Variants in ITGA11 observed in about 807,000 individuals in gnomAD.
ITGA11 encodes integrin alpha-11.
ITGA11 carries 97 observed loss-of-function variants against 141.9 expected under a neutral mutation model. The ratio of observed to expected loss-of-function variants is 0.68; its 90% CI spans 0.58 to 0.81. ITGA11 has a LOEUF of 0.81. ITGA11 is among the 30% of genes least tolerant of loss of function. ITGA11 has a pLI of 0.00. For missense variants in ITGA11, 1,387 were observed against 1,559.2 expected, an observed-to-expected ratio of 0.89 and a Z score of 1.86; for synonymous variants, 658 against 624.6, an observed-to-expected ratio of 1.05 and a Z score of -0.80.
chr15:68,332,203 C>A, intron 13 of ITGA11, 135 bp downstream of exon 13: 1 of 1,267,838 alleles, frequency 7.9e-7, no homozygotes, highest in South Asian at 1.4e-5. Flanking sequence ...AACCCAGCCA[C>A]AGAGGAGGCT....
chr15:68,317,180 C>T, intron 21 of ITGA11, 85 bp downstream of exon 21: 1 of 925,252 alleles, frequency 1.1e-6, no homozygotes, highest in Admixed American at 1.7e-5. Context: ...TGTGTTCACT[C>T]TTGTTGCTCT....
At chr15:68,414,486 C>T (rs534095067) in intron 1 of ITGA11, among the ~76,000 whole-genome samples, 1 of 152,330 alleles carries the variant, frequency 6.6e-6, no homozygotes, top group Admixed American at 6.5e-5. Context: ...GACCTGGTTT[C>T]TCGACTGGCT....
At chr15:68,397,668 A>AATATTTAAAATATTATATTTAAAATATT (rs74202777) in intron 2 of ITGA11, among the ~76,000 whole-genome samples, 16 of 87,832 alleles carry the variant, frequency 1.8e-4, no homozygotes, top group Non-Finnish European at 2.3e-4. Flanking sequence ...TATATTATAA[A>AATATTTAAAATATTATATTTAAAATATT]ATATTTAAAA....
At chr15:68,382,900 A>G (rs539522703) in intron 2 of ITGA11, among the ~76,000 whole-genome samples, 7 of 152,326 alleles carry the variant, frequency 4.6e-5, no homozygotes, top group African/African-American at 1.7e-4. Flanking sequence ...GCATCTTGCT[A>G]TTGGTTATGT....
At position 68,328,097 on chromosome 15, in the gene ITGA11, A is replaced by G. The variant is rs201829488; in HGVS notation, c.2067T>C (p.Val689=). The change falls in exon 16 of 30, where the codon GTT becomes GTC. Residue 689 remains valine (V), a splice_region_variant and synonymous_variant. Coordinates refer to ENST00000315757, the MANE Select transcript of ITGA11 (RefSeq NM_001004439.2). This position sits in a 1 kb window ranked among gnomAD's most constrained non-coding sequence, Gnocchi z 4.8. ...GGAGAAAGGAGGGGCCTGCTTTACCAACAGTTGTTGTTTGGAAATGGGGTG... is the reference window on the plus strand; with the variant it reads ...GGAGAAAGGAGGGGCCTGCTTTACCGACAGTTGTTGTTTGGAAATGGGGTG... ...FLAPHFQTTT[V]GIRYNATMDE... 2.7e-4 allele frequency: 429 copies of G among 1,613,276 alleles called. 1 individual carries two copies. The highest frequency in any genetic ancestry group is 3.3e-4 in the Non-Finnish European group (395 of 1,179,626).
intron 1 of ITGA11, among the ~76,000 whole-genome samples, chr15:68,411,311 C>T (rs937482948): frequency 7.9e-5 from 12 of 152,188 alleles, no homozygotes; most frequent in South Asian, 2.1e-4. Flanking sequence ...TTATCAACAA[C>T]GACAACCCTG....
At chr15:68,351,441 G>A (rs1369364029) in intron 7 of ITGA11, 39 bp from the exon 8 acceptor site, 2 of 1,608,324 alleles carry the variant, frequency 1.2e-6, no homozygotes, top group East Asian at 4.5e-5. Flanking sequence ...TGAAAGGTAA[G>A]TGGGATTGGG....
At chr15:68,411,302 T>C (rs1319955423) in intron 1 of ITGA11, among the ~76,000 whole-genome samples, 1 of 152,094 alleles carries the variant, frequency 6.6e-6, no homozygotes, top group East Asian at 1.9e-4. Flanking sequence ...CACAACAAAT[T>C]ATCAACAACG....
chr15:68,432,140 G>T lies in ITGA11; in HGVS notation c.-74C>A, dbSNP rs767297569. On this transcript the variant is annotated 5_prime_UTR_variant, in exon 1 of 30. Transcript: ENST00000315757. Reference sequence around the variant, plus strand: ...GGCAAGCCAGAGCGGCAGCCTCCTCGGCGCGGCGCCTGCAGCCTGCACTGC... The same window carrying T: ...GGCAAGCCAGAGCGGCAGCCTCCTCTGCGCGGCGCCTGCAGCCTGCACTGC... 20 of 1,172,034 alleles carry T rather than the reference G, an allele frequency of 1.7e-5. No homozygotes were observed. The highest frequency in any genetic ancestry group is 3.2e-5 in the East Asian group (1 of 30,910). 72.6% of individuals were successfully genotyped at this position (1,172,034 alleles called of 1,614,324 possible). A position where few individuals can be genotyped will look rare whatever the true frequency, so the allele number is the denominator to read the frequency against.
At position 68,355,622 on chromosome 15, in the gene ITGA11, T is replaced by G. The variant is rs568060625; in HGVS notation, c.749+1529A>C. ...CCACCATGCCTGGCTAATTTTTGTA[T>G]TTTTTGTAGAGATGAGGTCTCATGC... On this transcript the variant is annotated intron_variant, in intron 7 of 29. Coordinates refer to ENST00000315757, the MANE Select transcript of ITGA11 (RefSeq NM_001004439.2). Among the ~76,000 whole-genome samples the G allele has an allele frequency of 1.1e-4, 17 of 152,056 alleles. No homozygotes were observed. In the South Asian group the frequency reaches 1.7e-3, roughly 15 times the overall value.
intron 2 of ITGA11, among the ~76,000 whole-genome samples, chr15:68,387,345 A>G (rs552517154): frequency 6.6e-6 from 1 of 152,110 alleles, no homozygotes; most frequent in Non-Finnish European, 1.5e-5. Flanking sequence ...CCAGCTTAAG[A>G]CACTGGGAAT....
At chr15:68,366,781 T>C (rs981457946) in intron 3 of ITGA11, among the ~76,000 whole-genome samples, 6 of 152,140 alleles carry the variant, frequency 3.9e-5, no homozygotes, top group Admixed American at 2.6e-4. Flanking sequence ...GGCCCTGGCT[T>C]TGAGAATCAC....
At chr15:68,402,420 T>C (rs1330733819) in intron 2 of ITGA11, among the ~76,000 whole-genome samples, 4 of 152,148 alleles carry the variant, frequency 2.6e-5, no homozygotes, top group Non-Finnish European at 5.9e-5. Flanking sequence ...ATTTTTAAAA[T>C]TGGAGGTGAA....
At chr15:68,357,563 A>G (rs1373555270) in intron 6 of ITGA11, among the ~76,000 whole-genome samples, 1 of 152,206 alleles carries the variant, frequency 6.6e-6, no homozygotes, top group Non-Finnish European at 1.5e-5. Context: ...CCCAACAATT[A>G]TGCTTCTTTC....
At chr15:68,354,005 C>T (rs1894992973) in intron 7 of ITGA11, among the ~76,000 whole-genome samples, 1 of 152,012 alleles carries the variant, frequency 6.6e-6, no homozygotes. Context: ...TTGCCAACAA[C>T]TCCCTCACCT....
intron 10 of ITGA11, among the ~76,000 whole-genome samples, chr15:68,340,486 G>A (rs1469041569): frequency 1.3e-5 from 2 of 152,184 alleles, no homozygotes; most frequent in Non-Finnish European, 2.9e-5. Context: ...GATGGGGCTG[G>A]AGCACCAAGC....
At chr15:68,319,095 G>A (rs1341155153) in intron 20 of ITGA11, among the ~76,000 whole-genome samples, 1 of 152,226 alleles carries the variant, frequency 6.6e-6, no homozygotes, top group Non-Finnish European at 1.5e-5. Context: ...GCCGCCTGTG[G>A]CCTTGGAGAG....
intron 10 of ITGA11, among the ~76,000 whole-genome samples, chr15:68,341,850 C>T (rs1894583472): frequency 2.0e-5 from 3 of 152,250 alleles, no homozygotes; most frequent in African/African-American, 7.2e-5. Context: ...CACACTGATT[C>T]TCCCTATGGG....
Position 68,304,609 on chromosome 15 carries a change from C to T in ITGA11, c.3382-724G>A, listed in dbSNP as rs373439484. Among the ~76,000 whole-genome samples the T allele has an allele frequency of 1.6e-4, 24 of 152,298 alleles. No individual in the cohort carries two copies. Among genetic ancestry groups the T allele is most frequent in the East Asian group, 1.2e-3 (6 of 5,188 alleles). The stretch of plus-strand genomic sequence containing the variant: ...CGACTGCTCTCACATTTCTGTCGTC[C>T]GCCTGGATTCTCCGCTGAATTCCAG... On this transcript the variant is annotated intron_variant, in intron 28 of 29. Transcript: ENST00000315757. This position sits in a 1 kb window ranked among gnomAD's most constrained non-coding sequence, Gnocchi z 6.1.
Sources: allele counts gnomAD v4.1 joint callset (sites outside exome capture counted in the v4.1 genomes callset), GRCh38; gene constraint gnomAD v4.1.1; non-coding constraint Gnocchi (gnomAD v3.1); transcripts MANE v1.5; gene names NCBI Gene and HGNC (gene_info 2026-07-23, HGNC 2026-07-21).